OIP5: variants seen among roughly 807,000 people sequenced by gnomAD.
OIP5 encodes Opa interacting protein 5, also known as protein Mis18-beta.
In OIP5, 24 loss-of-function variants were observed where a neutral mutation model predicts 20.3. The ratio of observed to expected loss-of-function variants is 1.18; its 90% CI spans 0.86 to 1.66. The LOEUF (loss-of-function observed/expected upper bound fraction) is 1.66. Ranked by LOEUF, OIP5 falls within the 40% of genes most tolerant of loss-of-function variation. The pLI is 0.00. For synonymous variants in OIP5, 143 were observed against 121.3 expected, an observed-to-expected ratio of 1.18 and a Z score of -1.17; for missense variants, 339 against 289.5, an observed-to-expected ratio of 1.17 and a Z score of -1.24.
intron 2 of OIP5, among the ~76,000 whole-genome samples, chr15:41,320,595 C>G (rs549870778): frequency 2.0e-5 from 3 of 152,242 alleles, no homozygotes; most frequent in Non-Finnish European, 4.4e-5. Context: ...CTCAATGGTG[C>G]CCAGGCTGGA....
At chr15:41,314,945 C>A (rs977807284) in intron 3 of OIP5, among the ~76,000 whole-genome samples, 1 of 151,556 alleles carries the variant, frequency 6.6e-6, no homozygotes, top group African/African-American at 2.4e-5. Context: ...GAAACCCCAT[C>A]TCTACAAAAA....
In OIP5 at chr15:41,317,953, A is replaced by G. The variant is rs541507986; in HGVS notation, c.512+1705T>C. Reference sequence around the variant, plus strand: ...CTCAGCCTTCCAAAGTGCTGAGATTACAGGCATGACCCACCATGCCTGGCC... The same window carrying G: ...CTCAGCCTTCCAAAGTGCTGAGATTGCAGGCATGACCCACCATGCCTGGCC... On this transcript the variant is annotated intron_variant, in intron 3 of 4. Transcript: ENST00000220514. Among the ~76,000 whole-genome samples, 182 of 152,188 alleles carry G rather than the reference A, an allele frequency of 1.2e-3. 1 individual carries two copies. The highest frequency in any genetic ancestry group is 1.6e-3 in the Non-Finnish European group (111 of 68,016).
At chr15:41,329,758 G>A (rs757834848) in intron 2 of OIP5, among the ~76,000 whole-genome samples, 1 of 150,368 alleles carries the variant, frequency 6.7e-6, no homozygotes, top group Non-Finnish European at 1.5e-5. Flanking sequence ...CTGGAGTACA[G>A]TGGGATGATC....
rs145763115 is a variant in OIP5 at position 41,310,522 on chromosome 15, C to T, written c.595-673G>A. Among the ~76,000 whole-genome samples, 359 of 151,684 alleles carry T rather than the reference C, an allele frequency of 2.4e-3. 1 individual carries two copies. Among genetic ancestry groups the T allele is most frequent in the African/African-American group, 8.1e-3 (333 of 41,342 alleles). On this transcript the variant is annotated intron_variant, in intron 4 of 4. Transcript: ENST00000220514. The stretch of plus-strand genomic sequence containing the variant: ...GCGGGCGCCTGTAGTCCCAGCTACT[C>T]AGGAGGCTGAGGCAAGAGAATGAGT...
chr15:41,324,144 C>A (rs1353893606), intron 2 of OIP5, among the ~76,000 whole-genome samples: 5 of 151,964 alleles, frequency 3.3e-5, no homozygotes, highest in Admixed American at 2.0e-4. Flanking sequence ...TAGGTGTGCG[C>A]CACCACATCC....
At chr15:41,332,182 A>G in intron 1 of OIP5, 58 bp downstream of exon 1, 2 of 1,506,372 alleles carry the variant, frequency 1.3e-6, no homozygotes, top group Admixed American at 4.1e-5. Flanking sequence ...CGGTGGAGAA[A>G]GCGGGAACAC....
intron 2 of OIP5, among the ~76,000 whole-genome samples, chr15:41,320,174 TTACTAAACAAATTGTTCATA>T (rs1476219462): frequency 6.6e-6 from 1 of 152,184 alleles, no homozygotes; most frequent in African/African-American, 2.4e-5. Flanking sequence ...GACTGGGGCC[TTACTAAACAAATTGTTCATA>T]GAACTAAAAT....
chr15:41,331,042 T>A (rs934148177), intron 2 of OIP5, among the ~76,000 whole-genome samples: 2 of 152,158 alleles, frequency 1.3e-5, no homozygotes, highest in African/African-American at 4.8e-5. Flanking sequence ...TCTAACTCCG[T>A]TTTTGAAGTT....
At chr15:41,326,165 A>AAAAC (rs921162245) in intron 2 of OIP5, among the ~76,000 whole-genome samples, 1 of 152,192 alleles carries the variant, frequency 6.6e-6, no homozygotes, top group Non-Finnish European at 1.5e-5. Context: ...CCATCTCAAA[A>AAAAC]AAACAAACAA....
chr15:41,324,780 G>A (rs540712361), intron 2 of OIP5, among the ~76,000 whole-genome samples: 49 of 152,224 alleles, frequency 3.2e-4, no homozygotes, highest in Non-Finnish European at 5.4e-4. Context: ...GTGAGCCACC[G>A]CGCCTAACCC....
chr15:41,329,191 T>C (rs1436763939), intron 2 of OIP5, among the ~76,000 whole-genome samples: 2 of 151,536 alleles, frequency 1.3e-5, no homozygotes, highest in African/African-American at 4.8e-5. Context: ...ATCTAGGTAA[T>C]GAACCTACAC....
intron 4 of OIP5, among the ~76,000 whole-genome samples, chr15:41,310,926 C>A (rs2047749904): frequency 6.6e-6 from 1 of 152,172 alleles, no homozygotes; most frequent in Non-Finnish European, 1.5e-5. Flanking sequence ...GTTCTTACAG[C>A]TATATTTAGC....
In OIP5 at chr15:41,332,376, G is replaced by A. The variant is rs1356537710; in HGVS notation, c.186C>T (p.Ala62=). ...PAGLGAEEPA[A]GPQLPSWLQP... ...GCAGCCAAGACGGCAGCTGCGGGCC[G>A]GCGGCTGGCTCCTCAGCCCCCAGCC... Residue 62 remains alanine (A), a synonymous_variant, in exon 1 of 5, where the codon GCC becomes GCT. Coordinates refer to ENST00000220514, the MANE Select transcript of OIP5 (RefSeq NM_007280.2). 1 of 1,612,480 alleles carries A rather than the reference G, an allele frequency of 6.2e-7. No homozygotes were observed. The highest frequency in any genetic ancestry group is 1.1e-5 in the South Asian group (1 of 90,978).
At chr15:41,329,496 A>C (rs2140467782) in intron 2 of OIP5, among the ~76,000 whole-genome samples, 1 of 151,612 alleles carries the variant, frequency 6.6e-6, no homozygotes, top group Middle Eastern at 3.4e-3. Context: ...TTGTACTTTT[A>C]GTAGAGACGT....
intron 2 of OIP5, among the ~76,000 whole-genome samples, chr15:41,330,304 G>A (rs893359741): frequency 6.6e-6 from 1 of 151,622 alleles, no homozygotes; most frequent in Non-Finnish European, 1.5e-5. Context: ...TCTCCATTTT[G>A]GTCAGGCTGG....
chr15:41,330,615 G>A (rs2047893616), intron 2 of OIP5, among the ~76,000 whole-genome samples: 1 of 151,898 alleles, frequency 6.6e-6, no homozygotes, highest in African/African-American at 2.4e-5. Flanking sequence ...GTGTTAGTCA[G>A]GATGGTCTCG....
chr15:41,317,536 T>C (rs746355737), intron 3 of OIP5, among the ~76,000 whole-genome samples: 4 of 152,036 alleles, frequency 2.6e-5, no homozygotes, highest in Non-Finnish European at 5.9e-5. Context: ...TGCGCCACCA[T>C]GCCCAGCTAA....
intron 2 of OIP5, among the ~76,000 whole-genome samples, chr15:41,325,219 A>G (rs1056981261): frequency 1.3e-5 from 2 of 152,046 alleles, no homozygotes; most frequent in African/African-American, 4.8e-5. Flanking sequence ...CCTGGCTAAC[A>G]TGGTAAAACC....
At chr15:41,319,512 C>T (rs1473959522) in intron 3 of OIP5, 146 bp downstream of exon 3, 5 of 696,024 alleles carry the variant, frequency 7.2e-6, no homozygotes, top group Admixed American at 6.9e-5. Context: ...CCTCAGCCTC[C>T]TAAAGTGCTG....
Sources: allele counts gnomAD v4.1 joint callset (sites outside exome capture counted in the v4.1 genomes callset), GRCh38; gene constraint gnomAD v4.1.1; transcripts MANE v1.5; gene names NCBI Gene and HGNC (gene_info 2026-07-23, HGNC 2026-07-21).